Variants in IST1 observed in about 807,000 individuals in gnomAD.
IST1 encodes IST1 factor associated with ESCRT-III, also known as IST1 homolog.
In IST1, 23 loss-of-function variants were observed where a neutral mutation model predicts 37.0. That is an observed-to-expected ratio of 0.62 (90% confidence interval 0.45 to 0.88). IST1 has a LOEUF of 0.88. Among genes scored for constraint, IST1 ranks in the 40% least tolerant of loss-of-function variants. The probability of loss-of-function intolerance (pLI) is 0.00; values close to 1 mark genes in which losing one functional copy is unlikely to be tolerated. For missense variants in IST1, 488 were observed against 445.4 expected (o/e 1.10, Z -0.86); for synonymous variants, 180 against 161.7 (o/e 1.11, Z -0.86).
Position 71,920,701 on chromosome 16 carries a change from T to A in IST1, c.358-38T>A, listed in dbSNP as rs1367464416. On this transcript the variant is annotated intron_variant, in intron 4 of 9. Coordinates refer to ENST00000378799, the MANE Select transcript of IST1 (RefSeq NM_001270975.2). Reference sequence around the variant, plus strand: ...AGAAGCTTAAAGCAGTCCGTTGGAGTGGTCTCTATTTTTATTTGCTGTCCT... The same window carrying A: ...AGAAGCTTAAAGCAGTCCGTTGGAGAGGTCTCTATTTTTATTTGCTGTCCT... The A allele has an allele frequency of 3.5e-6, 5 of 1,422,040 alleles. 1 individual carries two copies. The South Asian group carries it at 5.7e-5, about 16-fold the overall frequency. The allele number at this position is 1,422,040 out of a possible 1,614,324, so 88.1% of individuals were successfully genotyped here.
chr16:71,910,506 T>C (rs2037328736), intron 1 of IST1, among the ~76,000 whole-genome samples: 1 of 150,686 alleles, frequency 6.6e-6, no homozygotes, highest in Non-Finnish European at 1.5e-5. Context: ...CTCGGGAGGC[T>C]GAGGCAGGAG....
chr16:71,916,638 A>C lies in IST1; in HGVS notation c.265A>C (p.Met89Leu). Residue 89 changes from methionine to leucine, a missense_variant, in exon 3 of 10, where the codon ATG becomes CTG. This residue lies in a region of IST1 where 455 missense variants were observed against 386.2 expected (regional missense o/e 1.18). Coordinates refer to ENST00000378799, the MANE Select transcript of IST1 (RefSeq NM_001270975.2). ...GGCTCGGTTTGGCCTTATCCAGTCT[A>C]TGAAGTAAGATATTTTGATTCAGAG... ...LLARFGLIQS[M>L]KELDSGLAES... 1 of 1,606,080 alleles carries C rather than the reference A, an allele frequency of 6.2e-7. No homozygotes were observed. The highest frequency in any genetic ancestry group is 8.5e-7 in the Non-Finnish European group (1 of 1,176,448).
chr16:71,901,826 G>T (rs568082589), intron 1 of IST1, among the ~76,000 whole-genome samples: 1 of 152,140 alleles, frequency 6.6e-6, no homozygotes, highest in African/African-American at 2.4e-5. Context: ...CGACAGCTTT[G>T]TACAAAACAC....
chr16:71,910,464 G>C (rs1367224500), intron 1 of IST1, among the ~76,000 whole-genome samples: 2 of 151,942 alleles, frequency 1.3e-5, no homozygotes, highest in Non-Finnish European at 2.9e-5. Context: ...AAATTAGCTG[G>C]GTGTGGTGGC....
chr16:71,923,145 T>C (rs1331941511), intron 7 of IST1, 143 bp from the exon 8 acceptor site: 1 of 500,746 alleles, frequency 2.0e-6, no homozygotes, highest in East Asian at 3.3e-5. Flanking sequence ...ATGTGGTCCT[T>C]TTGGGCATTT....
intron 6 of IST1, chr16:71,921,733 T>G (rs944579397): frequency 3.0e-6 from 1 of 337,594 alleles, no homozygotes; most frequent in Non-Finnish European, 5.6e-6. Context: ...AACCTCCTGT[T>G]CATAGCAAGA....
In IST1 at chr16:71,930,143, A is replaced by C; in HGVS notation, c.*2330A>C. 6.4e-7 allele frequency: 1 copy of C among 1,551,556 alleles called. No individual in the cohort carries two copies. The highest frequency in any genetic ancestry group is 8.7e-7 in the Non-Finnish European group (1 of 1,146,832). ...AAGTACCATCAAGATGACACTGGTGAGGATCAGAAAGGTGCCCAGGACTGG... is the reference window on the plus strand; with the variant it reads ...AAGTACCATCAAGATGACACTGGTGCGGATCAGAAAGGTGCCCAGGACTGG... On this transcript the variant is annotated 3_prime_UTR_variant, in exon 10 of 10. Coordinates refer to ENST00000378799, the MANE Select transcript of IST1 (RefSeq NM_001270975.2).
chr16:71,910,930 G>A (rs528772578), intron 1 of IST1, among the ~76,000 whole-genome samples: 7 of 152,118 alleles, frequency 4.6e-5, no homozygotes, highest in Admixed American at 1.3e-4. Context: ...TTATATATGT[G>A]TATAAAGTAG....
chr16:71,896,469 G>C (rs981996227), intron 1 of IST1, among the ~76,000 whole-genome samples: 1 of 151,984 alleles, frequency 6.6e-6, no homozygotes, highest in East Asian at 1.9e-4. Flanking sequence ...CTCTCATCCA[G>C]CTTCAAACAC....
intron 1 of IST1, among the ~76,000 whole-genome samples, chr16:71,907,921 A>G (rs1028989652): frequency 6.6e-6 from 1 of 152,188 alleles, no homozygotes; most frequent in African/African-American, 2.4e-5. Flanking sequence ...AGCAAGGATT[A>G]GTTCTGAGAT....
At position 71,927,862 on chromosome 16, in the gene IST1, A is replaced by C. The variant is rs141885117; in HGVS notation, c.*49A>C. The stretch of plus-strand genomic sequence containing the variant: ...ACGTTTTGGGAGTTGAGACTGAGCA[A>C]TTTCTCCTTGTAACAAAGAATCTCC... On this transcript the variant is annotated 3_prime_UTR_variant, in exon 10 of 10. Coordinates refer to ENST00000378799, the MANE Select transcript of IST1 (RefSeq NM_001270975.2). The C allele has an allele frequency of 7.9e-7, 1 of 1,270,410 alleles. No homozygotes were observed. 78.7% of individuals were successfully genotyped at this position (1,270,410 alleles called of 1,614,324 possible). A position where few individuals can be genotyped will look rare whatever the true frequency, so the allele number is the denominator to read the frequency against.
In IST1 at chr16:71,922,662, T is replaced by C. The variant is rs372740914; in HGVS notation, c.741T>C (p.Tyr247=). ...PMPSANTPFS[Y]PLPKGPSDFN... ...CATCTGCAAATACGCCTTTCTCATA[T>C]CCACTGCCAAAGGGACCAGTAAGTA... The change falls in exon 7 of 10, where the codon TAT becomes TAC. Residue 247 remains tyrosine, a synonymous_variant. Transcript: ENST00000378799. 32 of 1,607,612 alleles carry C rather than the reference T, an allele frequency of 2.0e-5. No individual in the cohort carries two copies. The African/African-American group carries it at 3.6e-4, about 18-fold the overall frequency.
chr16:71,927,256 T>C (rs2037765935), intron 9 of IST1, among the ~76,000 whole-genome samples: 1 of 152,182 alleles, frequency 6.6e-6, no homozygotes, highest in Non-Finnish European at 1.5e-5. Flanking sequence ...TCCAGCACTT[T>C]GGGAGGCTGA....
At position 71,905,000 on chromosome 16, in the gene IST1, T is replaced by TA. The variant is rs199842904; in HGVS notation, c.-16+9417dup. Reference sequence around the variant, plus strand: ...ATTTGAACATATTTTTAAATTCCATTAAAAAATTTTTTTTTTGCTTTTTTT... The same window carrying TA: ...ATTTGAACATATTTTTAAATTCCATTAAAAAAATTTTTTTTTTGCTTTTTTT... On this transcript the variant is annotated intron_variant, in intron 1 of 9. Coordinates refer to ENST00000378799, the MANE Select transcript of IST1 (RefSeq NM_001270975.2). Among the ~76,000 whole-genome samples the TA allele has an allele frequency of 5.7e-3, 865 of 152,248 alleles. 9 individuals carry two copies. The highest frequency in any genetic ancestry group is 0.02 in the African/African-American group (819 of 41,560).
At chr16:71,915,851 G>A in intron 2 of IST1, 123 bp downstream of exon 2, 1 of 611,352 alleles carries the variant, frequency 1.6e-6, no homozygotes, top group Middle Eastern at 3.0e-4. Context: ...TTTTTGTTGA[G>A]ACAGGGTCTC....
chr16:71,919,217 C>A (rs1166339791), intron 4 of IST1, among the ~76,000 whole-genome samples: 2 of 152,190 alleles, frequency 1.3e-5, no homozygotes, highest in African/African-American at 2.4e-5. Context: ...TGTCTGGCTC[C>A]CACTTCCCTT....
At chr16:71,900,540 C>G (rs548423531) in intron 1 of IST1, among the ~76,000 whole-genome samples, 1 of 152,016 alleles carries the variant, frequency 6.6e-6, no homozygotes, top group South Asian at 2.1e-4. Flanking sequence ...TCTCAGCGAG[C>G]TGAGTGATAA....
chr16:71,911,142 G>A (rs984790732), intron 1 of IST1, among the ~76,000 whole-genome samples: 15 of 152,164 alleles, frequency 9.9e-5, no homozygotes, highest in Non-Finnish European at 1.5e-5. Flanking sequence ...TTGGGAGGCT[G>A]AGGCAGGAGA....
At chr16:71,911,970 G>T (rs2037365041) in intron 1 of IST1, among the ~76,000 whole-genome samples, 1 of 151,856 alleles carries the variant, frequency 6.6e-6, no homozygotes, top group Admixed American at 6.6e-5. Context: ...CTCCCAAAGT[G>T]TTGGGATTAC....
Sources: allele counts gnomAD v4.1 joint callset (sites outside exome capture counted in the v4.1 genomes callset), GRCh38; gene constraint gnomAD v4.1.1; regional missense constraint gnomAD v4.1.1; transcripts MANE v1.5; gene names NCBI Gene and HGNC (gene_info 2026-07-23, HGNC 2026-07-21).